Variants in PHF8 observed in about 807,000 individuals in gnomAD.
PHF8 encodes histone lysine demethylase PHF8.
Under a neutral mutation model 74.4 loss-of-function variants are expected in PHF8, and 9 were observed. That is an observed-to-expected ratio of 0.12 (90% CI 0.07 to 0.21). The LOEUF (loss-of-function observed/expected upper bound fraction) is 0.21, where lower values mean the gene tolerates loss of function less well. PHF8 is among the 10% of genes least tolerant of loss of function. The pLI is 1.00. For missense variants in PHF8, 478 were observed against 816.6 expected, an observed-to-expected ratio of 0.59 and a Z score of 5.05; for synonymous variants, 311 against 316.6, an observed-to-expected ratio of 0.98 and a Z score of 0.19.
At chrX:54,039,886 T>C (rs1557115406) in intron 2 of PHF8, 2 of 112,302 alleles carry the variant, frequency 1.8e-5, no homozygotes, top group East Asian at 2.8e-4. Context: ...AAATAAAAAA[T>C]AGGTTGTAAA....
intron 2 of PHF8, 132 bp downstream of exon 2, chrX:54,042,499 A>AGAGAT (rs1161624148): frequency 4.8e-5 from 26 of 545,496 alleles, no homozygotes; most frequent in Non-Finnish European, 6.9e-5. Flanking sequence ...TTCTGCAAGG[A>AGAGAT]GAGATGGCAG....
intron 2 of PHF8, among the ~76,000 whole-genome samples, chrX:54,033,430 T>C (rs1250758965): frequency 8.0e-5 from 9 of 112,116 alleles, no homozygotes; most frequent in African/African-American, 2.9e-4. Flanking sequence ...AAATTGAAAG[T>C]GTCGCCGGGC....
intron 8 of PHF8, among the ~76,000 whole-genome samples, chrX:54,009,674 C>T (rs1185138219): frequency 9.5e-6 from 1 of 105,774 alleles, no homozygotes; most frequent in African/African-American, 3.4e-5. Flanking sequence ...GAAACCCCAA[C>T]TCTACCAAAA....
chrX:53,958,342 G>C (rs1336318823), intron 19 of PHF8, among the ~76,000 whole-genome samples: 2 of 107,461 alleles, frequency 1.9e-5, no homozygotes, highest in East Asian at 6.1e-4. Context: ...GCCTGGCCCA[G>C]ATGTATTCTT....
At chrX:54,018,453 CT>C (rs781948184) in intron 4 of PHF8, among the ~76,000 whole-genome samples, 19,590 of 76,608 alleles carry the variant, frequency 0.26, 3,049 homozygotes, top group African/African-American at 0.54. Flanking sequence ...GAGTCCCTGT[CT>C]TTTTTTTTTT....
At chrX:54,002,816 T>C in intron 8 of PHF8, 134 bp from the exon 9 acceptor site, 1 of 517,578 alleles carries the variant, frequency 1.9e-6, no homozygotes, top group South Asian at 2.5e-5. Context: ...CACCAGATGT[T>C]CTCAAGGTGT....
intron 6 of PHF8, among the ~76,000 whole-genome samples, chrX:54,015,340 G>A (rs1655662477): frequency 9.0e-6 from 1 of 110,671 alleles, no homozygotes. Context: ...GCTTTGGGAG[G>A]CCGAGGTGGG....
intron 2 of PHF8, among the ~76,000 whole-genome samples, chrX:54,025,922 C>T (rs2066258897): frequency 9.0e-6 from 1 of 111,336 alleles, no homozygotes; most frequent in South Asian, 3.7e-4. Flanking sequence ...TACAGATACC[C>T]TCACTTGCCC....
intron 20 of PHF8, among the ~76,000 whole-genome samples, chrX:53,941,384 G>C (rs1278291624): frequency 8.9e-6 from 1 of 111,899 alleles, no homozygotes; most frequent in African/African-American, 3.2e-5. Flanking sequence ...AATCCTCCAG[G>C]TCACTGGGTC....
intron 2 of PHF8, among the ~76,000 whole-genome samples, chrX:54,027,948 G>A (rs782429899): frequency 3.7e-5 from 4 of 108,035 alleles, no homozygotes; most frequent in Non-Finnish European, 7.6e-5. Flanking sequence ...GGGGGATATA[G>A]AGGAATATGT....
chrX:53,964,278 A>AT (rs1329922297), intron 18 of PHF8, among the ~76,000 whole-genome samples: 1 of 111,216 alleles, frequency 9.0e-6, no homozygotes, highest in Non-Finnish European at 1.9e-5. Context: ...GAAATACCTA[A>AT]TGTAGATGAC....
At chrX:54,032,884 G>A (rs1557112963) in intron 2 of PHF8, among the ~76,000 whole-genome samples, 1 of 111,615 alleles carries the variant, frequency 9.0e-6, no homozygotes, top group Non-Finnish European at 1.9e-5. Context: ...GTAGCTTTGG[G>A]CACATTATTT....
rs781871345 is a variant in PHF8, at chrX:53,995,703, C to T, written c.1313G>A (p.Arg438His). ...QLIKDLAREI[R>H]LVEDIFQQNV... ...CCCCATGCTCCTTACTTCCACCAGG[C>T]GGATCTCCCTGGCCAGATCTTTAAT... The change falls in exon 12 of 22, where the codon CGC (arginine) becomes CAC (histidine). Residue 438 changes from arginine (R) to histidine (H), a missense_variant. Physicochemically the swap from Arg to His is conservative, Grantham distance 29. Around this residue, in one of 9 missense-constraint regions of PHF8, gnomAD observed 153 missense variants for 164.8 expected, o/e 0.93. Transcript: ENST00000338154. The T allele has an allele frequency of 1.7e-6, 2 of 1,184,620 alleles. No homozygotes were observed. The highest frequency in any genetic ancestry group is 1.1e-6 in the Non-Finnish European group (1 of 871,190).
At chrX:54,001,942 G>A (rs1557104317) in intron 10 of PHF8, among the ~76,000 whole-genome samples, 2 of 110,927 alleles carry the variant, frequency 1.8e-5, no homozygotes, top group African/African-American at 3.3e-5. Flanking sequence ...GGGGCTGGGC[G>A]GGTAGCACTA....
chrX:54,025,057 T>C (rs1259228219), intron 2 of PHF8, among the ~76,000 whole-genome samples: 1 of 109,701 alleles, frequency 9.1e-6, no homozygotes, highest in Admixed American at 9.7e-5. Context: ...TTTGTATTTT[T>C]AGTAGAGATG....
intron 19 of PHF8, 175 bp from the exon 20 acceptor site, chrX:53,944,418 C>T (rs2064800354): frequency 2.3e-6 from 1 of 440,571 alleles, no homozygotes; most frequent in Admixed American, 3.7e-5. Flanking sequence ...ATGCTCAAAG[C>T]ACACACTGAT....
intron 18 of PHF8, among the ~76,000 whole-genome samples, chrX:53,981,447 T>G (rs1394438936): frequency 9.0e-6 from 1 of 111,457 alleles, no homozygotes; most frequent in Non-Finnish European, 1.9e-5. Context: ...TCTACAAAAT[T>G]TAGTTCTGAT....
At chrX:53,967,188 G>A (rs2065210400) in intron 18 of PHF8, among the ~76,000 whole-genome samples, 1 of 108,232 alleles carries the variant, frequency 9.2e-6, no homozygotes, top group Non-Finnish European at 2.0e-5. Context: ...GGGAGGTGAG[G>A]GGCGCCTCTG....
chrX:53,961,411 T>C (rs1329127534), intron 19 of PHF8, among the ~76,000 whole-genome samples: 1 of 109,949 alleles, frequency 9.1e-6, no homozygotes, highest in African/African-American at 3.3e-5. Flanking sequence ...CACTGCAACC[T>C]TGGCCTCCTG....
Sources: allele counts gnomAD v4.1 joint callset (sites outside exome capture counted in the v4.1 genomes callset), GRCh38; gene constraint gnomAD v4.1.1; regional missense constraint gnomAD v4.1.1; transcripts MANE v1.5; gene names NCBI Gene and HGNC (gene_info 2026-07-23, HGNC 2026-07-21).